NR5A2: variants seen among roughly 807,000 people sequenced by gnomAD.
NR5A2 encodes nuclear receptor subfamily 5 group A member 2.
A neutral mutation model predicts 62.7 loss-of-function variants in NR5A2; 26 were observed. The ratio of observed to expected loss-of-function variants is 0.41; its 90% CI spans 0.30 to 0.58. The LOEUF is 0.58. Among genes scored for constraint, NR5A2 ranks in the 20% least tolerant of loss-of-function variants. The pLI is 0.22. For synonymous variants in NR5A2, 246 were observed against 241.7 expected (o/e 1.02, Z -0.16); for missense variants, 541 against 669.1 (o/e 0.81, Z 2.11).
At chr1:200,121,091 C>T (rs3762397) in intron 7 of NR5A2, 136 bp downstream of exon 7, 364,098 of 887,526 alleles carry the variant, frequency 0.41, 75,710 homozygotes, top group Non-Finnish European at 0.43. Context: ...AATCTTCAAA[C>T]GTGAATATAT....
At chr1:200,149,770 A>G (rs1407702829) in intron 7 of NR5A2, among the ~76,000 whole-genome samples, 1 of 152,186 alleles carries the variant, frequency 6.6e-6, no homozygotes, top group African/African-American at 2.4e-5. Context: ...TTGCTTTTAT[A>G]TCCCAACTGT....
rs182072343 is a variant in NR5A2 at position 200,112,783 on chromosome 1, A to G, written c.1230+1462A>G. Among the ~76,000 whole-genome samples, 399 of 152,230 alleles carry G rather than the reference A, an allele frequency of 2.6e-3. 1 individual carries two copies. Among genetic ancestry groups the G allele is most frequent in the African/African-American group, 9.2e-3 (383 of 41,560 alleles). On this transcript the variant is annotated intron_variant, in intron 6 of 7. Transcript: ENST00000367362. The stretch of plus-strand genomic sequence containing the variant: ...GGACCCAAGTCTTTGGAGAAAATGT[A>G]CCCATTTTCAGAGTCTAATCATTGG...
intron 5 of NR5A2, among the ~76,000 whole-genome samples, chr1:200,076,653 G>A (rs890352248): frequency 6.6e-6 from 1 of 152,166 alleles, no homozygotes; most frequent in Non-Finnish European, 1.5e-5. Flanking sequence ...GAATTCAAAA[G>A]CAGCTGACAT....
chr1:200,158,027 A>G (rs1296672781), intron 7 of NR5A2, among the ~76,000 whole-genome samples: 3 of 152,228 alleles, frequency 2.0e-5, no homozygotes, highest in African/African-American at 7.2e-5. Flanking sequence ...AAATTGCAAG[A>G]ATTTTACTGA....
At chr1:200,144,942 G>A (rs1402923071) in intron 7 of NR5A2, among the ~76,000 whole-genome samples, 1 of 152,168 alleles carries the variant, frequency 6.6e-6, no homozygotes, top group Non-Finnish European at 1.5e-5. Context: ...CTCTTTATAT[G>A]ATGCTCTAGC....
rs143192065 is a variant in NR5A2, at chr1:200,159,679, T to C, written c.1379-14284T>C. Among the ~76,000 whole-genome samples, 503 of 151,740 alleles carry C rather than the reference T, an allele frequency of 3.3e-3. 1 individual carries two copies. Among genetic ancestry groups the C allele is most frequent in the African/African-American group, 0.012 (492 of 41,386 alleles). ...TATTATTATTATTTTTGAGACAGAG[T>C]CTCGCTCTGTCCTCTAGGCTGGAGT... On this transcript the variant is annotated intron_variant, in intron 7 of 7. Transcript: ENST00000367362.
chr1:200,035,929 A>G (rs1661756463), intron 1 of NR5A2, among the ~76,000 whole-genome samples: 2 of 152,174 alleles, frequency 1.3e-5, no homozygotes, highest in South Asian at 4.1e-4. Context: ...CGGTCTCACC[A>G]CAGACTCCCA....
intron 2 of NR5A2, among the ~76,000 whole-genome samples, chr1:200,043,334 G>C (rs1662206293): frequency 6.6e-6 from 1 of 152,198 alleles, no homozygotes; most frequent in African/African-American, 2.4e-5. Context: ...TAAGCAAGGT[G>C]CACTTGCAGC....
chr1:200,137,351 A>G (rs1156529909), intron 7 of NR5A2, among the ~76,000 whole-genome samples: 1 of 145,498 alleles, frequency 6.9e-6, no homozygotes, highest in East Asian at 2.0e-4. Flanking sequence ...TTTTTGGTAG[A>G]GACGAGGTTT....
At chr1:200,054,316 A>T (rs1228351293) in intron 5 of NR5A2, among the ~76,000 whole-genome samples, 1 of 152,000 alleles carries the variant, frequency 6.6e-6, no homozygotes, top group Non-Finnish European at 1.5e-5. Context: ...ATTCTGCTGA[A>T]AGAGCTGTCC....
intron 2 of NR5A2, among the ~76,000 whole-genome samples, chr1:200,043,293 CAG>C (rs1558099879): frequency 6.6e-6 from 1 of 152,188 alleles, no homozygotes; most frequent in East Asian, 1.9e-4. Context: ...CTCTGTCGGA[CAG>C]AGTTTGCAAA....
At chr1:200,117,142 TGACACAAA>T (rs1666256391) in intron 6 of NR5A2, among the ~76,000 whole-genome samples, 1 of 152,212 alleles carries the variant, frequency 6.6e-6, no homozygotes, top group Non-Finnish European at 1.5e-5. Context: ...TTGAATTTAA[TGACACAAA>T]GATTACATGT....
rs545621595 is a variant in NR5A2 at position 200,136,911 on chromosome 1, C to T, written c.1378+15956C>T. On this transcript the variant is annotated intron_variant, in intron 7 of 7. Coordinates refer to ENST00000367362, the MANE Select transcript of NR5A2 (RefSeq NM_205860.3). ...TTTATCACCACGGTCAGAAGCACTGCTGAAATTATAGGGTATTTAATCCCT... is the reference window on the plus strand; with the variant it reads ...TTTATCACCACGGTCAGAAGCACTGTTGAAATTATAGGGTATTTAATCCCT... Among the ~76,000 whole-genome samples, 126 of 152,262 alleles carry T rather than the reference C, an allele frequency of 8.3e-4. 1 individual carries two copies. Among genetic ancestry groups the T allele is most frequent in the Admixed American group, 7.1e-3 (109 of 15,290 alleles).
chr1:200,104,606 A>T (rs1665554968), intron 5 of NR5A2, among the ~76,000 whole-genome samples: 1 of 152,218 alleles, frequency 6.6e-6, no homozygotes, highest in African/African-American at 2.4e-5. Context: ...AGAAGGAATA[A>T]TAGCTGGACT....
intron 7 of NR5A2, among the ~76,000 whole-genome samples, chr1:200,131,772 C>G (rs1412343175): frequency 6.6e-6 from 1 of 152,214 alleles, no homozygotes; most frequent in Non-Finnish European, 1.5e-5. Flanking sequence ...TGACTCACAT[C>G]TGAGTCTTGC....
intron 1 of NR5A2, among the ~76,000 whole-genome samples, chr1:200,031,137 G>A (rs562011097): frequency 2.0e-5 from 3 of 152,068 alleles, no homozygotes; most frequent in Non-Finnish European, 2.9e-5. Flanking sequence ...TTCCATGCCC[G>A]AGTCCATCTC....
intron 7 of NR5A2, among the ~76,000 whole-genome samples, chr1:200,133,588 CATAT>C (rs199503955): frequency 4.0e-5 from 5 of 123,648 alleles, no homozygotes; most frequent in Admixed American, 8.6e-5. Flanking sequence ...TATATATACA[CATAT>C]ATATATATAC....
At position 200,146,587 on chromosome 1, in the gene NR5A2, C is replaced by A. The variant is rs564937248; in HGVS notation, c.1378+25632C>A. On this transcript the variant is annotated intron_variant, in intron 7 of 7. Transcript: ENST00000367362. ...GATCTTTCCAAGTAATAAAAAAGGTCTTTGTGCATTTTAAACATTAAATAA... is the reference window on the plus strand; with the variant it reads ...GATCTTTCCAAGTAATAAAAAAGGTATTTGTGCATTTTAAACATTAAATAA... Among the ~76,000 whole-genome samples the A allele has an allele frequency of 3.0e-4, 45 of 152,266 alleles. 1 individual carries two copies. In the South Asian group the frequency reaches 8.9e-3, roughly 30 times the overall value.
At chr1:200,104,594 AAAG>A (rs1665554469) in intron 5 of NR5A2, among the ~76,000 whole-genome samples, 1 of 152,190 alleles carries the variant, frequency 6.6e-6, no homozygotes, top group Admixed American at 6.5e-5. Flanking sequence ...AGAAAGAAAA[AAAG>A]AAGGAATAAT....
Sources: gnomAD v4.1 joint callset for allele counts (sites outside exome capture counted in the v4.1 genomes callset) on GRCh38, gnomAD v4.1.1 for gene constraint, MANE v1.5 for transcripts, NCBI Gene and HGNC (gene_info 2026-07-23, HGNC 2026-07-21) for gene names.